The following ADGRD1 variants were observed in gnomAD, a reference collection of about 807,000 sequenced individuals.
The protein encoded by ADGRD1 is adhesion G protein-coupled receptor D1.
Under a neutral mutation model 113.4 loss-of-function variants are expected in ADGRD1, and 77 were observed. The observed-to-expected ratio is 0.68, with a 90% CI of 0.57 to 0.82. ADGRD1 has a LOEUF of 0.82. Ranked by LOEUF, ADGRD1 falls within the 40% of genes least tolerant of loss-of-function variation. The pLI is 0.00. For synonymous variants in ADGRD1, 474 were observed against 475.0 expected, an observed-to-expected ratio of 1.00 and a Z score of 0.03; for missense variants, 1,036 against 1,139.1, an observed-to-expected ratio of 0.91 and a Z score of 1.30.
chr12:130,955,171 G>T (rs944109116), intron 2 of ADGRD1, among the ~76,000 whole-genome samples: 12 of 137,204 alleles, frequency 8.7e-5, no homozygotes, highest in Admixed American at 7.1e-4. Flanking sequence ...CACTATGTTG[G>T]CCAGGCTGGT....
intron 13 of ADGRD1, among the ~76,000 whole-genome samples, chr12:131,033,316 T>C (rs1593082085): frequency 6.6e-6 from 1 of 152,122 alleles, no homozygotes; most frequent in Non-Finnish European, 1.5e-5. Context: ...CTAGAGCTGG[T>C]CATTGCTGGG....
intron 13 of ADGRD1, among the ~76,000 whole-genome samples, chr12:131,019,350 C>A (rs1879025768): frequency 6.6e-6 from 1 of 152,196 alleles, no homozygotes; most frequent in Non-Finnish European, 1.5e-5. Context: ...TCCACTGAGG[C>A]TCTGGACAGG....
At chr12:131,137,142 T>A in intron 23 of ADGRD1, 128 bp downstream of exon 23, 1 of 778,650 alleles carries the variant, frequency 1.3e-6, no homozygotes, top group South Asian at 1.4e-5. Flanking sequence ...GCCAGCCACG[T>A]TCCTGATGCC....
At chr12:131,058,566 G>A (rs1430305007) in intron 13 of ADGRD1, among the ~76,000 whole-genome samples, 1 of 152,008 alleles carries the variant, frequency 6.6e-6, no homozygotes, top group Non-Finnish European at 1.5e-5. Context: ...CGGCCTGTTG[G>A]CATCAAATTC....
intron 12 of ADGRD1, among the ~76,000 whole-genome samples, chr12:131,009,454 G>C (rs922541590): frequency 1.3e-5 from 2 of 152,336 alleles, no homozygotes; most frequent in African/African-American, 2.4e-5. Context: ...GTGTGCAGTT[G>C]ACTCTGGACT....
chr12:131,030,232 C>G (rs1273511873), intron 13 of ADGRD1, among the ~76,000 whole-genome samples: 1 of 146,990 alleles, frequency 6.8e-6, no homozygotes, highest in Non-Finnish European at 1.5e-5. Context: ...CATTCCCAGG[C>G]TCTGGGGTTA....
intron 13 of ADGRD1, chr12:131,035,158 C>G (rs10848271): frequency 0.46 from 70,516 of 152,790 alleles, 19,209 homozygotes; most frequent in Non-Finnish European, 0.61. Context: ...TCCCCTCTGC[C>G]CAGAGCACTC....
intron 3 of ADGRD1, chr12:130,967,561 T>C (rs1270539160): frequency 3.3e-5 from 5 of 152,654 alleles, no homozygotes; most frequent in Admixed American, 6.5e-5. Context: ...TTTAAAACCA[T>C]GTATTGCTGG....
chr12:130,974,320 T>C (rs1218922710), intron 4 of ADGRD1, among the ~76,000 whole-genome samples: 1 of 152,120 alleles, frequency 6.6e-6, no homozygotes, highest in Non-Finnish European at 1.5e-5. Context: ...AAATCAATGG[T>C]TATGTTTTTA....
intron 4 of ADGRD1, among the ~76,000 whole-genome samples, chr12:130,972,334 G>A (rs144285787): frequency 2.9e-4 from 44 of 152,290 alleles, no homozygotes; most frequent in African/African-American, 1.0e-3. Flanking sequence ...AAAGCTTAAT[G>A]CAGTCCTCGT....
rs193066525 is a variant in ADGRD1, at chr12:131,046,403, G to T, written c.1474-30398G>T. On this transcript the variant is annotated intron_variant, in intron 13 of 24. Transcript: ENST00000261654. ...CTGGTCAGTGTCCTCCCTGGTCAGG[G>T]TCCTCCCTGGTCAGCGCTCCCTCCC... Among the ~76,000 whole-genome samples, 44 of 116,678 alleles carry T rather than the reference G, an allele frequency of 3.8e-4. 1 individual carries two copies. The highest frequency in any genetic ancestry group is 2.7e-3 in the South Asian group (9 of 3,362). The allele number at this position is 116,678 out of a possible 152,430, so 76.5% of individuals were successfully genotyped here. A position where few individuals can be genotyped will look rare whatever the true frequency, so the allele number is the denominator to read the frequency against.
At chr12:131,123,039 G>GTTTTTTTTTTTTTT (rs552353187) in intron 20 of ADGRD1, among the ~76,000 whole-genome samples, 31 of 51,370 alleles carry the variant, frequency 6.0e-4, no homozygotes, top group East Asian at 1.7e-3. Flanking sequence ...TACCTGGGGA[G>GTTTTTTTTTTTTTT]TTTTTTTTTT....
At chr12:131,087,532 G>A (rs1886564934) in intron 15 of ADGRD1, among the ~76,000 whole-genome samples, 1 of 152,244 alleles carries the variant, frequency 6.6e-6, no homozygotes, top group African/African-American at 2.4e-5. Context: ...AGGGCCGTGG[G>A]GTTTTAGAGG....
rs1886343531 is a variant in ADGRD1, at chr12:131,084,858, T to C, written c.1671+195T>C. Among the ~76,000 whole-genome samples, 1 of 152,156 alleles carries C rather than the reference T, an allele frequency of 6.6e-6. No homozygotes were observed. Among genetic ancestry groups the C allele is most frequent in the Non-Finnish European group, 1.5e-5 (1 of 68,018 alleles). ...CCTGCATGTATTGGGTGCCAGCAAATATCCGAGGAGCCCATGATTGTGTAA... is the reference window on the plus strand; with the variant it reads ...CCTGCATGTATTGGGTGCCAGCAAACATCCGAGGAGCCCATGATTGTGTAA... On this transcript the variant is annotated intron_variant, in intron 15 of 24. Transcript: ENST00000261654. The surrounding 1 kb of genome is among the most constrained non-coding windows in gnomAD (Gnocchi z 4.5).
At chr12:130,957,171 A>G (rs1321537158) in intron 2 of ADGRD1, 4 of 152,376 alleles carry the variant, frequency 2.6e-5, no homozygotes, top group Admixed American at 1.3e-4. Flanking sequence ...TACGTGCATC[A>G]ACATACATGT....
chr12:131,064,960 C>A (rs1884600095), intron 13 of ADGRD1, among the ~76,000 whole-genome samples: 1 of 152,174 alleles, frequency 6.6e-6, no homozygotes, highest in Non-Finnish European at 1.5e-5. Context: ...TGAGCCAGAC[C>A]TACTGAACAG....
chr12:131,046,525 GC>G (rs1882814448), intron 13 of ADGRD1, among the ~76,000 whole-genome samples: 160 of 118,576 alleles, frequency 1.3e-3, no homozygotes, highest in African/African-American at 3.9e-3. Context: ...CCTGGTCAAT[GC>G]TCCCTCCCTG....
At chr12:131,053,888 T>C (rs1047887578) in intron 13 of ADGRD1, among the ~76,000 whole-genome samples, 1 of 152,212 alleles carries the variant, frequency 6.6e-6, no homozygotes, top group Non-Finnish European at 1.5e-5. Flanking sequence ...CTTGCCACCC[T>C]CACTGGTGTG....
intron 4 of ADGRD1, chr12:130,981,394 T>A (rs1409680046): frequency 6.6e-6 from 1 of 152,434 alleles, no homozygotes; most frequent in Non-Finnish European, 1.5e-5. Context: ...TATAAACCAG[T>A]GTGCCTGAGA....
Sources: gnomAD v4.1 joint callset for allele counts (sites outside exome capture counted in the v4.1 genomes callset) on GRCh38, gnomAD v4.1.1 for gene constraint, Gnocchi (gnomAD v3.1) non-coding constraint, MANE v1.5 for transcripts, NCBI Gene and HGNC (gene_info 2026-07-23, HGNC 2026-07-21) for gene names.